SLC2A11: variants seen among roughly 807,000 people sequenced by gnomAD.
SLC2A11 encodes solute carrier family 2 member 11.
Under a neutral mutation model 52.1 loss-of-function variants are expected in SLC2A11, and 43 were observed. The ratio of observed to expected loss-of-function variants is 0.82; its 90% CI spans 0.65 to 1.06. The LOEUF (loss-of-function observed/expected upper bound fraction) is 1.06. Ranked by LOEUF, SLC2A11 falls within the 50% of genes least tolerant of loss-of-function variation. The pLI is 0.00. For synonymous variants in SLC2A11, 261 were observed against 277.6 expected (o/e 0.94, Z 0.59); for missense variants, 582 against 654.2 (o/e 0.89, Z 1.20).
intron 8 of SLC2A11, 108 bp downstream of exon 8, chr22:23,882,977 G>A (rs1182230506): frequency 1.9e-6 from 2 of 1,061,316 alleles, no homozygotes; most frequent in East Asian, 2.6e-5. Flanking sequence ...AATGCAGTGA[G>A]GGGCCAGGTG....
intron 6 of SLC2A11, chr22:23,881,976 A>G (rs535275617): frequency 2.8e-4 from 53 of 190,800 alleles, no homozygotes; most frequent in Non-Finnish European, 3.1e-5. Flanking sequence ...ACACACACAC[A>G]GAGACAGAGA....
chr22:23,877,950 A>T (rs982692302), intron 6 of SLC2A11, 81 bp downstream of exon 6: 36 of 1,450,054 alleles, frequency 2.5e-5, no homozygotes, highest in Non-Finnish European at 3.3e-5. Flanking sequence ...CCCATTTCAT[A>T]GGTTTCATTT....
At position 23,884,964 on chromosome 22, in the gene SLC2A11, C is replaced by A. The variant is rs1444616136; in HGVS notation, c.*115C>A. 2.4e-6 allele frequency: 2 copies of A among 831,932 alleles called. No homozygotes were observed. Among genetic ancestry groups the A allele is most frequent in the Non-Finnish European group, 3.7e-6 (2 of 533,914 alleles). The allele number at this position is 831,932 out of a possible 1,614,324, so 51.5% of individuals were successfully genotyped here. A position where few individuals can be genotyped will look rare whatever the true frequency, so the allele number is the denominator to read the frequency against. On this transcript the variant is annotated 3_prime_UTR_variant, in exon 12 of 12. Coordinates refer to ENST00000316185, the MANE Select transcript of SLC2A11 (RefSeq NM_001024939.4). This position sits in a 1 kb window ranked among gnomAD's most constrained non-coding sequence, Gnocchi z 4.3. ...TCATTTAAGGAGTGTTTATTGAGCACCCTTTGTGTGCAGACATGGCTCCAG... is the reference window on the plus strand; with the variant it reads ...TCATTTAAGGAGTGTTTATTGAGCAACCTTTGTGTGCAGACATGGCTCCAG...
At chr22:23,859,392 C>T (rs2031972441) in intron 1 of SLC2A11, among the ~76,000 whole-genome samples, 1 of 152,266 alleles carries the variant, frequency 6.6e-6, no homozygotes, top group African/African-American at 2.4e-5. Flanking sequence ...CTCCCCCAGC[C>T]TCCAGTGCAG....
At chr22:23,866,815 A>G (rs966274737) in intron 2 of SLC2A11, 6 of 152,456 alleles carry the variant, frequency 3.9e-5, no homozygotes, top group Admixed American at 6.5e-5. Flanking sequence ...GCTACTCAGG[A>G]GGCTGAGGCA....
At chr22:23,857,073 TGGGGGG>T, upstream of SLC2A11, 10 of 407,340 alleles carry the variant, frequency 2.5e-5, no homozygotes, top group Non-Finnish European at 3.2e-5. Flanking sequence ...TGTGTGTGTG[TGGGGGG>T]GGGGGGGTGT....
At chr22:23,860,951 T>G (rs1278894784) in intron 1 of SLC2A11, among the ~76,000 whole-genome samples, 1 of 150,838 alleles carries the variant, frequency 6.6e-6, no homozygotes, top group Non-Finnish European at 1.5e-5. Context: ...GTTCACACCA[T>G]TCTCCTGCCT....
At position 23,868,335 on chromosome 22, in the gene SLC2A11, T is replaced by C. The variant is rs967524336; in HGVS notation, c.130-146T>C. On this transcript the variant is annotated intron_variant, in intron 2 of 11. Coordinates refer to ENST00000316185, the MANE Select transcript of SLC2A11 (RefSeq NM_001024939.4). ...GGAGGTGCTCAGGCGAGTTGGTTCC[T>C]GCTCCAGGGGGAGCTCAGAAGACAC... The C allele has an allele frequency of 1.6e-5, 15 of 959,672 alleles. No homozygotes were observed. In the Admixed American group the frequency reaches 3.6e-4, roughly 23 times the overall value. 59.4% of individuals were successfully genotyped at this position (959,672 alleles called of 1,614,324 possible). A position where few individuals can be genotyped will look rare whatever the true frequency, so the allele number is the denominator to read the frequency against.
upstream of SLC2A11, chr22:23,857,073 T>TGGGGGGGGGGGGGGGG (rs60895711): frequency 2.7e-6 from 1 of 373,540 alleles, no homozygotes. Context: ...TGTGTGTGTG[T>TGGGGGGGGGGGGGGGG]GGGGGGGGGG....
chr22:23,872,038 C>T (rs538544026), intron 3 of SLC2A11: 1 of 151,984 alleles, frequency 6.6e-6, no homozygotes, highest in South Asian at 2.1e-4. Context: ...AGCTCTTTCT[C>T]CTTAAGAGGT....
rs1407780060 is a variant in SLC2A11, at chr22:23,874,866, T to TG, written c.291-250dup. Among the ~76,000 whole-genome samples the TG allele has an allele frequency of 2.0e-5, 3 of 152,240 alleles. No homozygotes were observed. In the East Asian group the frequency reaches 5.8e-4, roughly 29 times the overall value. On this transcript the variant is annotated intron_variant, in intron 3 of 11. Transcript: ENST00000316185. ...TCCCAAAGTGTTGGGATTAAAGGCATGAGCCACCATGCCCAGCCCAATTTT... is the reference window on the plus strand; with the variant it reads ...TCCCAAAGTGTTGGGATTAAAGGCATGGAGCCACCATGCCCAGCCCAATTTT...
At chr22:23,859,777 C>T (rs1171720719) in intron 1 of SLC2A11, among the ~76,000 whole-genome samples, 2 of 152,188 alleles carry the variant, frequency 1.3e-5, no homozygotes, top group East Asian at 3.8e-4. Flanking sequence ...GTGTGGGCCA[C>T]GACATCCGGC....
intron 1 of SLC2A11, among the ~76,000 whole-genome samples, chr22:23,860,527 T>C (rs1444350100): frequency 6.6e-6 from 1 of 151,980 alleles, no homozygotes; most frequent in Non-Finnish European, 1.5e-5. Flanking sequence ...CTCAGCAATT[T>C]GGAGGCTGAG....
intron 1 of SLC2A11, 143 bp downstream of exon 1, chr22:23,858,172 T>A (rs2031925214): frequency 2.4e-6 from 3 of 1,257,108 alleles, no homozygotes; most frequent in Non-Finnish European, 3.4e-6. Context: ...TACAGTGGCG[T>A]TAGGTGCTAG....
intron 2 of SLC2A11, among the ~76,000 whole-genome samples, chr22:23,863,544 C>T (rs571030678): frequency 1.3e-5 from 2 of 150,576 alleles, no homozygotes; most frequent in East Asian, 3.9e-4. Flanking sequence ...TGAGGGAGAG[C>T]TGCAGGAACC....
upstream of SLC2A11, chr22:23,857,360 A>G: frequency 7.0e-7 from 1 of 1,427,314 alleles, no homozygotes; most frequent in Non-Finnish European, 9.6e-7. Flanking sequence ...GGCACTTGCG[A>G]GGGCGAATGC....
At chr22:23,857,572 C>T (rs369438898), upstream of SLC2A11, 25 of 1,489,274 alleles carry the variant, frequency 1.7e-5, no homozygotes, top group African/African-American at 4.3e-4. Context: ...CGGCGGTGAC[C>T]CCAAACCCCC....
rs373424451 is a variant in SLC2A11 at position 23,873,302 on chromosome 22, CGTGT to C, written c.291-1791_291-1788del. On this transcript the variant is annotated intron_variant, in intron 3 of 11. Coordinates refer to ENST00000316185, the MANE Select transcript of SLC2A11 (RefSeq NM_001024939.4). ...CCCCTCAAGCTACTGATTACAGACA[CGTGT>C]GTGTGTGTGTGTGTGTGTGTGTGCA... The C allele has an allele frequency of 3.2e-3, 452 of 141,524 alleles. 1 individual carries two copies. Among genetic ancestry groups the C allele is most frequent in the South Asian group, 4.5e-3 (20 of 4,482 alleles). The allele number at this position is 141,524 out of a possible 1,614,324, so 8.8% of individuals were successfully genotyped here. A position where few individuals can be genotyped will look rare whatever the true frequency, so the allele number is the denominator to read the frequency against.
chr22:23,876,937 TTGAGTGGCTGGACAGTGC>T, intron 4 of SLC2A11, 87 bp from the exon 5 acceptor site: 1 of 1,570,254 alleles, frequency 6.4e-7, no homozygotes, highest in Non-Finnish European at 8.7e-7. Context: ...CAGGATCCAG[TTGAGTGGCTGGACAGTGC>T]TGAGTGGGGC....
Sources: gnomAD v4.1 joint callset for allele counts (sites outside exome capture counted in the v4.1 genomes callset) on GRCh38, gnomAD v4.1.1 for gene constraint, Gnocchi (gnomAD v3.1) non-coding constraint, MANE v1.5 for transcripts, NCBI Gene and HGNC (gene_info 2026-07-23, HGNC 2026-07-21) for gene names.